Variants in VPS13D observed in about 807,000 individuals in gnomAD.
The protein encoded by VPS13D is vacuolar protein sorting 13 homolog D, also known as intermembrane lipid transfer protein VPS13D.
Under a neutral mutation model 461.9 loss-of-function variants are expected in VPS13D, and 187 were observed. The ratio of observed to expected loss-of-function variants is 0.40; its 90% confidence interval spans 0.36 to 0.46. VPS13D has a LOEUF of 0.46. Among genes scored for constraint, VPS13D ranks in the 20% least tolerant of loss-of-function variants. The pLI, the probability that VPS13D is intolerant of heterozygous loss-of-function variation, is 0.60. For synonymous variants in VPS13D, 1,951 were observed against 1,986.3 expected (o/e 0.98, Z 0.47); for missense variants, 4,711 against 5,364.9 (o/e 0.88, Z 3.81).
At chr1:12,437,657 C>CT (rs1362726960) in intron 65 of VPS13D, among the ~76,000 whole-genome samples, 1 of 151,940 alleles carries the variant, frequency 6.6e-6, no homozygotes, top group Admixed American at 6.5e-5. Context: ...TCCATCCTTT[C>CT]TTTTTCCATT....
intron 69 of VPS13D, among the ~76,000 whole-genome samples, chr1:12,508,618 G>C (rs1646144864): frequency 6.6e-6 from 1 of 151,606 alleles, no homozygotes; most frequent in East Asian, 1.9e-4. Context: ...GCTGAGGCAG[G>C]AGAATCGCTT....
Position 12,386,051 on chromosome 1 carries a change from C to G in VPS13D, c.11485-134C>G, listed in dbSNP as rs1047948139. 8 of 980,152 alleles carry G rather than the reference C, an allele frequency of 8.2e-6. No homozygotes were observed. The African/African-American group carries it at 1.4e-4, about 17-fold the overall frequency. The allele number at this position is 980,152 out of a possible 1,614,324, so 60.7% of individuals were successfully genotyped here. A position where few individuals can be genotyped will look rare whatever the true frequency, so the allele number is the denominator to read the frequency against. Reference sequence around the variant, plus strand: ...TGAGCCCTCCAGGTAAATAATAGGACTCCCCTAAGTGGTTTTCATCTGCTG... The same window carrying G: ...TGAGCCCTCCAGGTAAATAATAGGAGTCCCCTAAGTGGTTTTCATCTGCTG... On this transcript the variant is annotated intron_variant, in intron 59 of 69. Transcript: ENST00000620676.
At position 12,277,090 on chromosome 1, in the gene VPS13D, G is replaced by T; in HGVS notation, c.3502G>T (p.Val1168Leu). ...STYEQNTEVA[V>L]EIHRLNLLLL... ...ATATGAACAAAACACTGAGGTTGCA[G>T]TGGAAATCCATAGGCTGAACTTACT... is the stretch of plus-strand genomic sequence containing the variant. The change falls in exon 19 of 70, where the codon GTG becomes TTG. Residue 1168 changes from valine to leucine, a missense_variant. This residue lies in a region of VPS13D where 4,411 missense variants were observed against 4,937.8 expected (regional missense o/e 0.89). Coordinates refer to ENST00000620676, the MANE Select transcript of VPS13D (RefSeq NM_015378.4). The T allele has an allele frequency of 6.2e-7, 1 of 1,614,162 alleles. No individual in the cohort carries two copies. The highest frequency in any genetic ancestry group is 8.5e-7 in the Non-Finnish European group (1 of 1,180,032).
chr1:12,484,677 A>C (rs1645772838), intron 67 of VPS13D, among the ~76,000 whole-genome samples: 1 of 152,200 alleles, frequency 6.6e-6, no homozygotes, highest in Non-Finnish European at 1.5e-5. Context: ...CATAGCGTGG[A>C]CCTTGGTGGC....
chr1:12,449,992 G>A lies in VPS13D; in HGVS notation c.12334-6006G>A, dbSNP rs369923102. On this transcript the variant is annotated intron_variant, in intron 65 of 69. Coordinates refer to ENST00000620676, the MANE Select transcript of VPS13D (RefSeq NM_015378.4). ...ATACAAAAATTAGCCAGGCGTGGTG[G>A]CACACAACTGTAATCCCTGCTACGG... Among the ~76,000 whole-genome samples the A allele has an allele frequency of 2.6e-4, 39 of 152,202 alleles. 3 individuals carry two copies. The highest frequency in any genetic ancestry group is 2.0e-3 in the Admixed American group (31 of 15,296).
chr1:12,362,259 AC>A (rs1409978600), intron 50 of VPS13D, among the ~76,000 whole-genome samples: 1 of 152,236 alleles, frequency 6.6e-6, no homozygotes, highest in African/African-American at 2.4e-5. Flanking sequence ...AAAGTTTAGA[AC>A]ATTACAGAAT....
At chr1:12,369,724 GT>G in intron 54 of VPS13D, 22 bp downstream of exon 54, 3 of 1,603,260 alleles carry the variant, frequency 1.9e-6, no homozygotes, top group Non-Finnish European at 2.6e-6. Context: ...TTAAATTACT[GT>G]TCCTATAAAG....
intron 16 of VPS13D, among the ~76,000 whole-genome samples, chr1:12,269,538 T>C (rs1321486176): frequency 2.0e-5 from 3 of 152,230 alleles, no homozygotes; most frequent in African/African-American, 7.2e-5. Context: ...TGAGGAGGAA[T>C]GTTCAAGAAT....
chr1:12,314,018 A>G (rs141781622), intron 29 of VPS13D, 97 bp from the exon 30 acceptor site: 14 of 990,888 alleles, frequency 1.4e-5, no homozygotes, highest in Middle Eastern at 2.6e-4. Context: ...GGACTTAGAT[A>G]TATTTTTGAT....
At position 12,510,939 on chromosome 1, in the gene VPS13D, G is replaced by C. The variant is rs1009408762; in HGVS notation, c.*1915G>C. ...TGATCTCTTAAAAGATGAGACTCTCGGAAGGGTTGATTGTATGCGTCAGTG... is the reference window on the plus strand; with the variant it reads ...TGATCTCTTAAAAGATGAGACTCTCCGAAGGGTTGATTGTATGCGTCAGTG... On this transcript the variant is annotated 3_prime_UTR_variant, in exon 70 of 70. Coordinates refer to ENST00000620676, the MANE Select transcript of VPS13D (RefSeq NM_015378.4). The C allele has an allele frequency of 1.3e-5, 2 of 152,138 alleles. No homozygotes were observed. The highest frequency in any genetic ancestry group is 2.9e-5 in the Non-Finnish European group (2 of 68,022). The allele number at this position is 152,138 out of a possible 1,614,324, so 9.4% of individuals were successfully genotyped here. A position where few individuals can be genotyped will look rare whatever the true frequency, so the allele number is the denominator to read the frequency against.
At position 12,293,591 on chromosome 1, in the gene VPS13D, G is replaced by T. The variant is rs777891388; in HGVS notation, c.5920G>T (p.Val1974Leu). 1 of 1,614,170 alleles carries T rather than the reference G, an allele frequency of 6.2e-7. No homozygotes were observed. ...TCGCGTGAGCCTCCGGATGGCCTCT[G>T]TGCAGTATGTGCATACTCAGCGTTT... ...DIRVSLRMASVQYVHTQRFQA... is the reference protein window; with the variant it reads ...DIRVSLRMASLQYVHTQRFQA... Residue 1974 changes from valine to leucine, a missense_variant, in exon 24 of 70, where the codon GTG becomes TTG. Val to Leu is a conservative substitution (Grantham distance 32). This residue lies in a region of VPS13D where 4,411 missense variants were observed against 4,937.8 expected (regional missense o/e 0.89). Coordinates refer to ENST00000620676, the MANE Select transcript of VPS13D (RefSeq NM_015378.4).
chr1:12,470,056 A>G (rs1366771532), intron 67 of VPS13D, among the ~76,000 whole-genome samples: 1 of 152,266 alleles, frequency 6.6e-6, no homozygotes, highest in East Asian at 1.9e-4. Context: ...AGCAGTTTTT[A>G]TGAGGCAGTT....
Position 12,455,963 on chromosome 1 carries a change from T to C in VPS13D, c.12334-35T>C, listed in dbSNP as rs768404690. On this transcript the variant is annotated intron_variant, in intron 65 of 69. Transcript: ENST00000620676. ...CAAATAGTAAAAATAGTGCCAAGAC[T>C]TTAAAACTCTTCTCCTGCTTTTAAC... is the stretch of plus-strand genomic sequence containing the variant. 1.7e-5 allele frequency: 26 copies of C among 1,574,784 alleles called. No individual in the cohort carries two copies. In the South Asian group the frequency reaches 2.6e-4, roughly 16 times the overall value.
At chr1:12,339,173 T>C (rs1052390966) in intron 40 of VPS13D, among the ~76,000 whole-genome samples, 2 of 152,094 alleles carry the variant, frequency 1.3e-5, no homozygotes, top group African/African-American at 4.8e-5. Context: ...CAGAGCTGAA[T>C]CTTAATTTAT....
intron 65 of VPS13D, among the ~76,000 whole-genome samples, chr1:12,453,085 T>C (rs1028479580): frequency 1.4e-4 from 21 of 152,116 alleles, no homozygotes; most frequent in African/African-American, 4.8e-4. Context: ...GGTCAATACA[T>C]TGTCTTTGTA....
At chr1:12,305,962 ATT>A (rs966861664) in intron 26 of VPS13D, among the ~76,000 whole-genome samples, 2 of 151,444 alleles carry the variant, frequency 1.3e-5, no homozygotes, top group Non-Finnish European at 2.9e-5. Flanking sequence ...CAGGGTTTTT[ATT>A]TTTCTATTTT....
At chr1:12,247,309 G>A (rs1222591490) in intron 5 of VPS13D, among the ~76,000 whole-genome samples, 2 of 151,754 alleles carry the variant, frequency 1.3e-5, no homozygotes, top group Non-Finnish European at 2.9e-5. Flanking sequence ...GCTACTTGGT[G>A]GGGAGGCTGA....
At chr1:12,256,189 A>G in intron 7 of VPS13D, 144 bp from the exon 8 acceptor site, 5 of 939,500 alleles carry the variant, frequency 5.3e-6, no homozygotes, top group Non-Finnish European at 7.8e-6. Context: ...AAATGAATAA[A>G]AACAAAACAG....
chr1:12,288,855 T>C (rs982541762), intron 22 of VPS13D, among the ~76,000 whole-genome samples: 6 of 152,132 alleles, frequency 3.9e-5, no homozygotes, highest in Admixed American at 2.6e-4. Flanking sequence ...TTATTCTGTG[T>C]TTTTGAGACA....
Sources: allele counts gnomAD v4.1 joint callset (sites outside exome capture counted in the v4.1 genomes callset), GRCh38; gene constraint gnomAD v4.1.1; regional missense constraint gnomAD v4.1.1; transcripts MANE v1.5; gene names NCBI Gene and HGNC (gene_info 2026-07-23, HGNC 2026-07-21).